Variants in CCDC191 observed in about 807,000 individuals in gnomAD.
CCDC191 encodes coiled-coil domain-containing protein 191.
CCDC191 carries 99 observed loss-of-function variants against 114.0 expected under a neutral mutation model. That is an observed-to-expected ratio of 0.87 (90% CI 0.74 to 1.03). The LOEUF is 1.03. CCDC191 is among the 50% of genes least tolerant of loss of function. The pLI, the probability that CCDC191 is intolerant of heterozygous loss-of-function variation, is 0.00. For missense variants in CCDC191, 973 were observed against 1,087.0 expected (o/e 0.90, Z 1.47); for synonymous variants, 351 against 376.0 (o/e 0.93, Z 0.77).
chr3:114,026,639 A>G (rs1428417872), intron 7 of CCDC191, among the ~76,000 whole-genome samples: 2 of 152,222 alleles, frequency 1.3e-5, no homozygotes, highest in Non-Finnish European at 2.9e-5. Flanking sequence ...GAATCATGGT[A>G]TATAAATGAG....
intron 13 of CCDC191, among the ~76,000 whole-genome samples, chr3:113,982,422 A>C (rs750505725): frequency 3.8e-4 from 58 of 152,148 alleles, no homozygotes; most frequent in Admixed American, 6.6e-4. Context: ...AAATGTCTTT[A>C]ATAGCACCTG....
chr3:114,031,758 CTCTTCTTGCCTTT>C lies in CCDC191; in HGVS notation c.827_839del (p.Lys276ArgfsTer25), dbSNP rs779090905. 6.9e-7 allele frequency: 1 copy of C among 1,446,772 alleles called. No individual in the cohort carries two copies. The highest frequency in any genetic ancestry group is 2.3e-5 in the East Asian group (1 of 43,800). 89.6% of individuals were successfully genotyped at this position (1,446,772 alleles called of 1,614,324 possible). A position where few individuals can be genotyped will look rare whatever the true frequency, so the allele number is the denominator to read the frequency against. On this transcript the variant is annotated frameshift_variant, in exon 7 of 17. Transcript: ENST00000295878. LOFTEE classifies it high-confidence loss of function. ...CTTTTTCTGAACTATTTTGAGAATT[CTCTTCTTGCCTTT>C]TCTTCTCTCTATTAATAACAATTTA...
In CCDC191 at chr3:114,005,981, T is replaced by C; in HGVS notation, c.1414-19A>G. Reference sequence around the variant, plus strand: ...CAGTCTCCTGAGAGAGAGAAACATGTTATAGCTCAACTATTTAAAGGACTG... The same window carrying C: ...CAGTCTCCTGAGAGAGAGAAACATGCTATAGCTCAACTATTTAAAGGACTG... On this transcript the variant is annotated intron_variant, in intron 9 of 16. Coordinates refer to ENST00000295878, the MANE Select transcript of CCDC191 (RefSeq NM_020817.2). 4 of 1,594,428 alleles carry C rather than the reference T, an allele frequency of 2.5e-6. No individual in the cohort carries two copies. Among genetic ancestry groups the C allele is most frequent in the Non-Finnish European group, 3.4e-6 (4 of 1,162,922 alleles).
At chr3:114,047,761 G>A (rs2076649295) in intron 2 of CCDC191, among the ~76,000 whole-genome samples, 1 of 151,934 alleles carries the variant, frequency 6.6e-6, no homozygotes, top group Admixed American at 6.6e-5. Context: ...GATCACTTGA[G>A]GTCGGGAGTT....
chr3:114,005,672 C>G lies in CCDC191; in HGVS notation c.1704G>C (p.Lys568Asn), dbSNP rs1255658743. 5 of 1,613,988 alleles carry G rather than the reference C, an allele frequency of 3.1e-6. No individual in the cohort carries two copies. Among genetic ancestry groups the G allele is most frequent in the East Asian group, 2.2e-5 (1 of 44,890 alleles). Reference protein sequence around the residue: ...FQQQLIEKQKKKLQEQQKTIL... With the variant: ...FQQQLIEKQKNKLQEQQKTIL... ...TTGTTTTCTGCTGTTCCTGAAGTTT[C>G]TTCTTTTGCTTCTCAATCAGCTGTT... The change falls in exon 10 of 17, where the codon AAG becomes AAC. Residue 568 changes from lysine to asparagine, a missense_variant. Transcript: ENST00000295878.
At chr3:114,044,611 A>C (rs1259864128) in intron 3 of CCDC191, among the ~76,000 whole-genome samples, 1 of 152,254 alleles carries the variant, frequency 6.6e-6, no homozygotes, top group Admixed American at 6.5e-5. Context: ...GCATACTAGC[A>C]ACAAATGCCA....
chr3:114,021,175 T>C (rs1378704911), intron 7 of CCDC191, among the ~76,000 whole-genome samples: 1 of 152,134 alleles, frequency 6.6e-6, no homozygotes, highest in Non-Finnish European at 1.5e-5. Flanking sequence ...ACTGTATACA[T>C]AACTTACCGT....
chr3:113,976,612 T>C (rs1941369572), intron 16 of CCDC191, among the ~76,000 whole-genome samples: 1 of 149,488 alleles, frequency 6.7e-6, no homozygotes, highest in African/African-American at 2.5e-5. Flanking sequence ...GGATGTTTAA[T>C]AATAATATAT....
chr3:114,038,283 C>T (rs527607114), intron 4 of CCDC191, among the ~76,000 whole-genome samples: 47 of 152,152 alleles, frequency 3.1e-4, no homozygotes, highest in Non-Finnish European at 5.9e-4. Flanking sequence ...TAACTACAGT[C>T]ATGTGTCAAA....
chr3:113,978,545 T>C (rs1253440730), intron 15 of CCDC191: 3 of 604,710 alleles, frequency 5.0e-6, no homozygotes, highest in Non-Finnish European at 8.5e-6. Context: ...AGTTATAAGA[T>C]TGAAGGGGTA....
At chr3:113,969,366 G>A (rs1940566368) in intron 16 of CCDC191, among the ~76,000 whole-genome samples, 1 of 152,140 alleles carries the variant, frequency 6.6e-6, no homozygotes, top group Non-Finnish European at 1.5e-5. Context: ...AATCCCAGTT[G>A]TCTATTTTTG....
chr3:113,979,673 C>T (rs1017744596), intron 14 of CCDC191, among the ~76,000 whole-genome samples: 6 of 152,096 alleles, frequency 3.9e-5, no homozygotes, highest in Non-Finnish European at 7.3e-5. Flanking sequence ...TTTTTCTAAG[C>T]CTTGTCTAGA....
At chr3:114,045,292 G>A (rs888639923) in intron 3 of CCDC191, among the ~76,000 whole-genome samples, 2 of 152,022 alleles carry the variant, frequency 1.3e-5, no homozygotes, top group African/African-American at 2.4e-5. Context: ...TGCTCACCCA[G>A]ACCACCACCA....
At chr3:113,999,074 TC>T (rs1375181079) in intron 13 of CCDC191, among the ~76,000 whole-genome samples, 7 of 152,128 alleles carry the variant, frequency 4.6e-5, no homozygotes, top group Admixed American at 2.0e-4. Context: ...TCTTCAGAAG[TC>T]CGTACATGCT....
chr3:114,041,325 A>G (rs2076556680), intron 4 of CCDC191, among the ~76,000 whole-genome samples: 1 of 152,216 alleles, frequency 6.6e-6, no homozygotes, highest in African/African-American at 2.4e-5. Context: ...TAATCTGGAA[A>G]CATAGAACTA....
At chr3:113,990,268 G>A (rs1373084079) in intron 13 of CCDC191, among the ~76,000 whole-genome samples, 1 of 151,976 alleles carries the variant, frequency 6.6e-6, no homozygotes, top group East Asian at 1.9e-4. Context: ...CATCAATACT[G>A]ATCTCATAGA....
intron 16 of CCDC191, among the ~76,000 whole-genome samples, chr3:113,975,045 C>G (rs1941195234): frequency 6.6e-6 from 1 of 152,132 alleles, no homozygotes; most frequent in Admixed American, 6.5e-5. Context: ...GTCCCATAAA[C>G]TCCTTGACAT....
chr3:113,986,885 A>G (rs2075379373), intron 13 of CCDC191, among the ~76,000 whole-genome samples: 1 of 152,132 alleles, frequency 6.6e-6, no homozygotes, highest in Non-Finnish European at 1.5e-5. Flanking sequence ...AGCTGTCTGC[A>G]AGCCAAGAAG....
intron 12 of CCDC191, 174 bp from the exon 13 acceptor site, chr3:114,001,870 TA>T: frequency 1.5e-6 from 1 of 679,934 alleles, no homozygotes; most frequent in Non-Finnish European, 2.4e-6. Context: ...TTACGTAACT[TA>T]AAAGTTTCTC....
Sources: allele counts gnomAD v4.1 joint callset (sites outside exome capture counted in the v4.1 genomes callset), GRCh38; gene constraint gnomAD v4.1.1; transcripts MANE v1.5; gene names NCBI Gene and HGNC (gene_info 2026-07-23, HGNC 2026-07-21).